Variants in IQCM observed in about 807,000 individuals in gnomAD.
IQCM encodes the protein IQ motif containing M.
In IQCM, 45 loss-of-function variants were observed where a neutral mutation model predicts 57.6. The ratio of observed to expected loss-of-function variants is 0.78; its 90% confidence interval spans 0.62 to 1.00. The LOEUF (loss-of-function observed/expected upper bound fraction) is 1.00, where lower values mean the gene tolerates loss of function less well. Among genes scored for constraint, IQCM ranks in the 50% least tolerant of loss-of-function variants. The probability of loss-of-function intolerance (pLI) is 0.00; values close to 1 mark genes in which losing one functional copy is unlikely to be tolerated. For missense variants in IQCM, 468 were observed against 511.6 expected, an observed-to-expected ratio of 0.91 and a Z score of 0.82; for synonymous variants, 148 against 158.9, an observed-to-expected ratio of 0.93 and a Z score of 0.51.
intron 12 of IQCM, among the ~76,000 whole-genome samples, chr4:149,473,629 A>G (rs555683314): frequency 6.5e-4 from 99 of 152,372 alleles, no homozygotes; most frequent in African/African-American, 2.3e-3. Flanking sequence ...TACTGGGTAT[A>G]CACCCAAAGG....
At chr4:149,601,024 T>C (rs1754229306) in intron 8 of IQCM, among the ~76,000 whole-genome samples, 1 of 152,192 alleles carries the variant, frequency 6.6e-6, no homozygotes, top group South Asian at 2.1e-4. Context: ...ATTCATAGAA[T>C]TTCTGCACTT....
rs1484783644 is a variant in IQCM, at chr4:149,455,988, AT to A, written c.1229-22432del. Reference sequence around the variant, plus strand: ...AGACCTTGTGTCTTAAAAAATAAAAATAAAATTTTAAAAAAGAAAAGATTTC... The same window carrying A: ...AGACCTTGTGTCTTAAAAAATAAAAAAAAATTTTAAAAAAGAAAAGATTTC... On this transcript the variant is annotated intron_variant, in intron 12 of 13. Transcript: ENST00000636793. Among the ~76,000 whole-genome samples, 30 of 152,138 alleles carry A rather than the reference AT, an allele frequency of 2.0e-4. No individual in the cohort carries two copies. In the East Asian group the frequency reaches 5.6e-3, roughly 28 times the overall value.
At chr4:149,796,191 G>A (rs1561284284) in intron 2 of IQCM, among the ~76,000 whole-genome samples, 1 of 152,168 alleles carries the variant, frequency 6.6e-6, no homozygotes, top group Non-Finnish European at 1.5e-5. Flanking sequence ...TCCCTTGAAG[G>A]GGTGAGATCC....
At chr4:149,567,557 A>G (rs1238210275) in intron 9 of IQCM, among the ~76,000 whole-genome samples, 1 of 152,078 alleles carries the variant, frequency 6.6e-6, no homozygotes, top group Non-Finnish European at 1.5e-5. Context: ...TATGCTGGCC[A>G]GGTGGGTCTT....
intron 5 of IQCM, among the ~76,000 whole-genome samples, chr4:149,723,691 G>C (rs759292619): frequency 1.3e-5 from 2 of 151,974 alleles, no homozygotes; most frequent in Non-Finnish European, 2.9e-5. Context: ...CAGTTTGCTA[G>C]TGTTTTGTTG....
At chr4:149,511,943 C>T (rs1234613588) in intron 12 of IQCM, among the ~76,000 whole-genome samples, 1 of 152,152 alleles carries the variant, frequency 6.6e-6, no homozygotes, top group African/African-American at 2.4e-5. Flanking sequence ...TTTATTCAAT[C>T]AATATTTATT....
At chr4:149,586,238 G>C (rs1344479459) in intron 9 of IQCM, among the ~76,000 whole-genome samples, 4 of 151,590 alleles carry the variant, frequency 2.6e-5, no homozygotes, top group Admixed American at 6.6e-5. Flanking sequence ...ATTTGCTTTA[G>C]AGGAAGTCTC....
chr4:149,545,615 G>T (rs1365438088), intron 12 of IQCM, among the ~76,000 whole-genome samples: 1 of 152,090 alleles, frequency 6.6e-6, no homozygotes, highest in East Asian at 1.9e-4. Context: ...CACCCATTAT[G>T]TAAAATATTA....
chr4:149,464,438 G>C lies in IQCM; in HGVS notation c.1229-30881C>G, dbSNP rs991072573. Among the ~76,000 whole-genome samples, 21 of 152,102 alleles carry C rather than the reference G, an allele frequency of 1.4e-4. No individual in the cohort carries two copies. The South Asian group carries it at 1.5e-3, about 11-fold the overall frequency. On this transcript the variant is annotated intron_variant, in intron 12 of 13. Transcript: ENST00000636793. ...CTAGGATTAGAAGCTCTCCTGCTTT[G>C]ATCTTGCCAGAGCCCTCTGGACTAA...
chr4:149,745,848 A>G (rs2149919573), intron 2 of IQCM, among the ~76,000 whole-genome samples: 1 of 152,128 alleles, frequency 6.6e-6, no homozygotes, highest in Middle Eastern at 3.4e-3. Flanking sequence ...GCATTCATAT[A>G]GTCCCAGCTA....
chr4:149,449,298 G>A (rs1176819357), intron 12 of IQCM, among the ~76,000 whole-genome samples: 1 of 144,732 alleles, frequency 6.9e-6, no homozygotes, highest in East Asian at 2.0e-4. Context: ...AGTACTCACA[G>A]TACCTGGTTT....
At chr4:149,545,318 G>A (rs773194546) in intron 12 of IQCM, among the ~76,000 whole-genome samples, 1 of 152,076 alleles carries the variant, frequency 6.6e-6, no homozygotes, top group Non-Finnish European at 1.5e-5. Context: ...GTCTGATAAA[G>A]GATTAATATC....
At chr4:149,811,405 T>C (rs1774556164) in intron 2 of IQCM, among the ~76,000 whole-genome samples, 1 of 152,154 alleles carries the variant, frequency 6.6e-6, no homozygotes, top group South Asian at 2.1e-4. Flanking sequence ...ATACAGCTTA[T>C]CTACATTCTT....
At chr4:149,595,558 G>T (rs576867974) in intron 8 of IQCM, among the ~76,000 whole-genome samples, 250 of 152,220 alleles carry the variant, frequency 1.6e-3, no homozygotes, top group African/African-American at 5.8e-3. Flanking sequence ...ACTAGCATTT[G>T]CCCTGAAGAA....
At position 149,599,440 on chromosome 4, in the gene IQCM, A is replaced by C. The variant is rs558162623; in HGVS notation, c.682-11443T>G. Among the ~76,000 whole-genome samples the C allele has an allele frequency of 3.9e-5, 6 of 152,316 alleles. No individual in the cohort carries two copies. The South Asian group carries it at 1.0e-3, about 26-fold the overall frequency. On this transcript the variant is annotated intron_variant, in intron 8 of 13. Coordinates refer to ENST00000636793, the MANE Select transcript of IQCM (RefSeq NM_001363507.2). ...ATGGAAATGTAAGAGAATCATTAAC[A>C]TAAAATTAAGGAGATGTTTCCTCAG...
chr4:149,448,084 C>T (rs1736704264), intron 12 of IQCM, among the ~76,000 whole-genome samples: 1 of 151,750 alleles, frequency 6.6e-6, no homozygotes, highest in Non-Finnish European at 1.5e-5. Context: ...ACATTCTCGT[C>T]AATTGTACAC....
intron 2 of IQCM, among the ~76,000 whole-genome samples, chr4:149,789,505 C>T (rs1381974950): frequency 6.6e-6 from 1 of 152,124 alleles, no homozygotes; most frequent in Non-Finnish European, 1.5e-5. Flanking sequence ...ATATTAACAT[C>T]CAGACAAATA....
At chr4:149,614,381 GTCC>G (rs1260906814) in intron 8 of IQCM, among the ~76,000 whole-genome samples, 4 of 152,062 alleles carry the variant, frequency 2.6e-5, no homozygotes, top group Admixed American at 2.6e-4. Flanking sequence ...ATGATTATAG[GTCC>G]TTGCTTATCT....
chr4:149,398,861 C>T (rs1476935785), intron 13 of IQCM, among the ~76,000 whole-genome samples: 1 of 151,870 alleles, frequency 6.6e-6, no homozygotes, highest in African/African-American at 2.4e-5. Context: ...CATACATCAC[C>T]ATGCATGGCT....
Sources: gnomAD v4.1 joint callset for allele counts (sites outside exome capture counted in the v4.1 genomes callset) on GRCh38, gnomAD v4.1.1 for gene constraint, MANE v1.5 for transcripts, NCBI Gene and HGNC (gene_info 2026-07-23, HGNC 2026-07-21) for gene names.